Variants in CTNNA2 observed in about 807,000 individuals in gnomAD.
CTNNA2 encodes catenin alpha-2.
A neutral mutation model predicts 101.0 loss-of-function variants in CTNNA2; 42 were observed. The ratio of observed to expected loss-of-function variants is 0.42; its 90% CI spans 0.32 to 0.54. The LOEUF (loss-of-function observed/expected upper bound fraction) is 0.54. Ranked by LOEUF, CTNNA2 falls within the 20% of genes least tolerant of loss-of-function variation. CTNNA2 has a pLI of 0.14. For missense variants in CTNNA2, 871 were observed against 1,223.1 expected (o/e 0.71, Z 4.29); for synonymous variants, 450 against 456.4 (o/e 0.99, Z 0.18).
intron 9 of CTNNA2, among the ~76,000 whole-genome samples, chr2:80,448,487 A>G (rs1308004674): frequency 6.6e-6 from 1 of 152,202 alleles, no homozygotes; most frequent in Non-Finnish European, 1.5e-5. Flanking sequence ...CTGACTACAC[A>G]TTAGCATTAC....
At chr2:79,904,242 T>G (rs929962299) in intron 6 of CTNNA2, among the ~76,000 whole-genome samples, 1 of 152,146 alleles carries the variant, frequency 6.6e-6, no homozygotes, top group African/African-American at 2.4e-5. Flanking sequence ...TACAATTGGT[T>G]GTACATATTT....
chr2:80,614,841 A>G (rs1003938156), intron 17 of CTNNA2, among the ~76,000 whole-genome samples: 4 of 151,444 alleles, frequency 2.6e-5, no homozygotes, highest in African/African-American at 9.7e-5. Context: ...TAATTATGGG[A>G]AGCCAAAGTG....
At chr2:79,572,335 A>C (rs185307243) in intron 1 of CTNNA2, among the ~76,000 whole-genome samples, 2 of 152,266 alleles carry the variant, frequency 1.3e-5, no homozygotes, top group Non-Finnish European at 2.9e-5. Context: ...AAAATAAGTT[A>C]AGCTGAAAAT....
intron 7 of CTNNA2, among the ~76,000 whole-genome samples, chr2:79,937,778 A>G (rs947976427): frequency 6.6e-6 from 1 of 152,248 alleles, no homozygotes; most frequent in Non-Finnish European, 1.5e-5. Context: ...CAGAAGACTG[A>G]AAAGACAATT....
At chr2:79,802,655 C>T (rs539314770) in intron 3 of CTNNA2, among the ~76,000 whole-genome samples, 1 of 152,120 alleles carries the variant, frequency 6.6e-6, no homozygotes, top group African/African-American at 2.4e-5. Flanking sequence ...AGCAAGGAGA[C>T]TCAAATATTA....
intron 3 of CTNNA2, among the ~76,000 whole-genome samples, chr2:79,780,356 A>T (rs1285924619): frequency 1.3e-5 from 2 of 152,190 alleles, no homozygotes; most frequent in African/African-American, 4.8e-5. Context: ...AATATTTTGC[A>T]GTTTGACTCT....
chr2:80,515,311 TG>T (rs1689027760), intron 9 of CTNNA2, among the ~76,000 whole-genome samples: 1 of 152,188 alleles, frequency 6.6e-6, no homozygotes, highest in Admixed American at 6.5e-5. Context: ...TCTCTTTCTG[TG>T]TCTCAGGGCT....
At chr2:79,735,598 C>G (rs897410499) in intron 2 of CTNNA2, among the ~76,000 whole-genome samples, 4 of 152,214 alleles carry the variant, frequency 2.6e-5, no homozygotes. Context: ...ACCACAGCAA[C>G]TGAGTTACAA....
intron 7 of CTNNA2, chr2:80,028,272 T>C (rs1466489909): frequency 6.6e-6 from 1 of 152,192 alleles, no homozygotes; most frequent in Non-Finnish European, 1.5e-5. Context: ...GTTGTTTGAT[T>C]ATCTCCATGG....
chr2:79,913,820 A>G (rs969450960), intron 7 of CTNNA2, among the ~76,000 whole-genome samples: 2 of 152,164 alleles, frequency 1.3e-5, no homozygotes, highest in African/African-American at 4.8e-5. Flanking sequence ...CTCATATGAT[A>G]TCTTCATTTG....
intron 13 of CTNNA2, among the ~76,000 whole-genome samples, chr2:80,575,773 A>AACACAC (rs963963067): frequency 1.3e-5 from 2 of 151,452 alleles, no homozygotes; most frequent in East Asian, 3.9e-4. Context: ...CATGAGCTGT[A>AACACAC]ACACACACAC....
At chr2:80,065,747 C>T (rs1002596938) in intron 7 of CTNNA2, among the ~76,000 whole-genome samples, 2 of 152,148 alleles carry the variant, frequency 1.3e-5, no homozygotes, top group Non-Finnish European at 2.9e-5. Flanking sequence ...TAAAATTATG[C>T]ACATTGTAAA....
At chr2:79,829,754 C>T (rs924104518) in intron 3 of CTNNA2, among the ~76,000 whole-genome samples, 1 of 141,266 alleles carries the variant, frequency 7.1e-6, no homozygotes, top group African/African-American at 2.5e-5. Flanking sequence ...GAGTCTCGCT[C>T]TGTCGCCCAG....
chr2:80,570,437 T>C (rs2149694834), intron 12 of CTNNA2, among the ~76,000 whole-genome samples: 1 of 152,296 alleles, frequency 6.6e-6, no homozygotes, highest in Middle Eastern at 3.4e-3. Context: ...TAAAGAACAG[T>C]AGCAGTTGAC....
intron 2 of CTNNA2, among the ~76,000 whole-genome samples, chr2:79,655,495 T>A (rs1311277246): frequency 6.6e-6 from 1 of 152,180 alleles, no homozygotes; most frequent in Non-Finnish European, 1.5e-5. Flanking sequence ...ACCCTTGAAT[T>A]TAGCTTATCT....
chr2:79,351,417 T>A (rs947213806), intron 3 of CTNNA2, among the ~76,000 whole-genome samples: 2 of 152,152 alleles, frequency 1.3e-5, no homozygotes, highest in African/African-American at 4.8e-5. Flanking sequence ...ATTCCCATTG[T>A]TTATTTATGT....
intron 7 of CTNNA2, among the ~76,000 whole-genome samples, chr2:80,131,484 T>C (rs1223291575): frequency 6.6e-6 from 1 of 152,224 alleles, no homozygotes; most frequent in Non-Finnish European, 1.5e-5. Flanking sequence ...GTAATGACGG[T>C]ATAAAATTCT....
chr2:79,205,034 G>A (rs1350612504), intron 2 of CTNNA2, among the ~76,000 whole-genome samples: 1 of 152,232 alleles, frequency 6.6e-6, no homozygotes, highest in Non-Finnish European at 1.5e-5. Context: ...TTTCTCTCTT[G>A]AATATGGCAT....
intron 18 of CTNNA2, among the ~76,000 whole-genome samples, chr2:80,635,720 G>A (rs1317587793): frequency 2.0e-5 from 3 of 152,088 alleles, no homozygotes; most frequent in Non-Finnish European, 4.4e-5. Flanking sequence ...ACTGGATATG[G>A]TAAATGGTTT....
Sources: allele counts gnomAD v4.1 joint callset (sites outside exome capture counted in the v4.1 genomes callset), GRCh38; gene constraint gnomAD v4.1.1; transcripts MANE v1.5; gene names NCBI Gene and HGNC (gene_info 2026-07-23, HGNC 2026-07-21).